DPP8: variants seen among roughly 807,000 people sequenced by gnomAD.
The protein encoded by DPP8 is DPP VIII.
In DPP8, 31 loss-of-function variants were observed where a neutral mutation model predicts 107.5. The ratio of observed to expected loss-of-function variants is 0.29; its 90% CI spans 0.22 to 0.39. The LOEUF (loss-of-function observed/expected upper bound fraction) is 0.39, where lower values mean the gene tolerates loss of function less well. Ranked by LOEUF, DPP8 falls within the 10% of genes least tolerant of loss-of-function variation. The pLI, the probability that DPP8 is intolerant of heterozygous loss-of-function variation, is 1.00. For missense variants in DPP8, 842 were observed against 1,076.1 expected (o/e 0.78, Z 3.04); for synonymous variants, 381 against 356.6 (o/e 1.07, Z -0.77).
intron 15 of DPP8, among the ~76,000 whole-genome samples, chr15:65,461,034 T>C (rs553141350): frequency 1.3e-5 from 2 of 152,350 alleles, no homozygotes; most frequent in Admixed American, 1.3e-4. Context: ...CCAATGGGTG[T>C]GAACTGGTAT....
Position 65,481,719 on chromosome 15 carries a change from CAG to C in DPP8, c.1018-106_1018-105del, listed in dbSNP as rs1217817257. On this transcript the variant is annotated intron_variant, in intron 8 of 19. Transcript: ENST00000300141. Reference sequence around the variant, plus strand: ...TTATCCAAAAAGCAGAAAATTTTTCCAGAGTTAGGTATTAAAAAGGAACAAAG... The same window carrying C: ...TTATCCAAAAAGCAGAAAATTTTTCCAGTTAGGTATTAAAAAGGAACAAAG... The C allele has an allele frequency of 9.0e-6, 6 of 665,062 alleles. 1 individual carries two copies. 41.2% of individuals were successfully genotyped at this position (665,062 alleles called of 1,614,324 possible).
intron 5 of DPP8, among the ~76,000 whole-genome samples, chr15:65,493,076 TTTTC>T (rs771007917): frequency 3.4e-4 from 52 of 152,118 alleles, no homozygotes; most frequent in Non-Finnish European, 5.9e-4. Context: ...TCCTTTTCTG[TTTTC>T]TTTCTTTCTC....
At chr15:65,481,260 T>C (rs1342815277) in intron 9 of DPP8, among the ~76,000 whole-genome samples, 1 of 152,222 alleles carries the variant, frequency 6.6e-6, no homozygotes, top group Non-Finnish European at 1.5e-5. Flanking sequence ...AGCCATATGA[T>C]TTAATCACAA....
intron 5 of DPP8, among the ~76,000 whole-genome samples, chr15:65,492,419 T>C (rs8031081): frequency 0.2 from 31,089 of 152,044 alleles, 3,553 homozygotes; most frequent in African/African-American, 0.3. Context: ...TATGGCTGGT[T>C]AGTGTGGTAA....
chr15:65,454,905 T>C (rs959081254), intron 16 of DPP8, among the ~76,000 whole-genome samples: 1 of 152,148 alleles, frequency 6.6e-6, no homozygotes, highest in Non-Finnish European at 1.5e-5. Flanking sequence ...AAAAATCTAT[T>C]TGGAGATAGG....
intron 12 of DPP8, among the ~76,000 whole-genome samples, chr15:65,473,624 G>A (rs955182461): frequency 2.6e-5 from 4 of 152,032 alleles, no homozygotes; most frequent in African/African-American, 4.8e-5. Flanking sequence ...AGCCATGACT[G>A]TGCCCTGCAC....
At chr15:65,471,141 G>A (rs191493407) in intron 12 of DPP8, among the ~76,000 whole-genome samples, 1 of 152,262 alleles carries the variant, frequency 6.6e-6, no homozygotes, top group Non-Finnish European at 1.5e-5. Context: ...ATTTACATCA[G>A]TGTAGTTTTC....
chr15:65,497,929 C>G lies in DPP8; in HGVS notation c.650G>C (p.Ser217Thr), dbSNP rs2068770515. The stretch of plus-strand genomic sequence containing the variant: ...GATGTTAGATATCCAAATATCGTTG[C>G]TATGTATAAAAGCAATCCAGTCTGG... ...ADPDWIAFIH[S>T]NDIWISNIVT... is the part of the protein sequence containing the mutation. Residue 217 changes from serine (S) to threonine (T), a missense_variant, in exon 5 of 20, where the codon AGC becomes ACC. Ser to Thr is a moderately conservative substitution (Grantham distance 58). Coordinates refer to ENST00000300141, the MANE Select transcript of DPP8 (RefSeq NM_130434.5). 1 of 1,604,008 alleles carries G rather than the reference C, an allele frequency of 6.2e-7. No individual in the cohort carries two copies. Among genetic ancestry groups the G allele is most frequent in the South Asian group, 1.1e-5 (1 of 89,052 alleles).
intron 7 of DPP8, among the ~76,000 whole-genome samples, chr15:65,486,033 G>GA (rs2067388085): frequency 6.7e-6 from 1 of 149,780 alleles, no homozygotes; most frequent in Non-Finnish European, 1.5e-5. Context: ...GGCAGAGGTT[G>GA]AAGTGAGCTG....
rs531573429 is a variant in DPP8, at chr15:65,483,880, T to C, written c.1017+1219A>G. On this transcript the variant is annotated intron_variant, in intron 8 of 19. Transcript: ENST00000300141. ...ATGGTATATCCATATAAAGGTATTATTCATCAATTAAAAATAAATGAAGTA... is the reference window on the plus strand; with the variant it reads ...ATGGTATATCCATATAAAGGTATTACTCATCAATTAAAAATAAATGAAGTA... Among the ~76,000 whole-genome samples the C allele has an allele frequency of 1.7e-4, 26 of 152,326 alleles. No homozygotes were observed. In the East Asian group the frequency reaches 3.7e-3, roughly 21 times the overall value.
chr15:65,507,103 A>C, intron 3 of DPP8, 140 bp downstream of exon 3: 1 of 456,854 alleles, frequency 2.2e-6, no homozygotes, highest in Non-Finnish European at 3.8e-6. Context: ...ATGGAATTTC[A>C]GGGTCATACA....
chr15:65,507,317 A>T lies in DPP8; in HGVS notation c.298T>A (p.Ser100Thr), dbSNP rs1243680942. The T allele has an allele frequency of 6.2e-7, 1 of 1,612,598 alleles. No individual in the cohort carries two copies. Among genetic ancestry groups the T allele is most frequent in the Admixed American group, 1.7e-5 (1 of 59,930 alleles). The change falls in exon 3 of 20, where the codon TCT becomes ACT. Residue 100 changes from serine (S) to threonine (T), a missense_variant. By Grantham distance (58) the Ser-to-Thr change is moderately conservative. This residue lies in a region of DPP8 where 663 missense variants were observed against 758.0 expected (regional missense o/e 0.87). Transcript: ENST00000300141. The part of the protein sequence containing the change: ...GENRENTLFY[S>T]EIPKTINRAA... Reference sequence around the variant, plus strand: ...CTATTGATAGTTTTGGGAATTTCAGAATAAAACAGTGTATTTTCTCTGTTC... The same window carrying T: ...CTATTGATAGTTTTGGGAATTTCAGTATAAAACAGTGTATTTTCTCTGTTC...
chr15:65,451,911 T>G, intron 18 of DPP8, 49 bp downstream of exon 18: 2 of 1,510,118 alleles, frequency 1.3e-6, no homozygotes, highest in African/African-American at 1.5e-5. Context: ...AGTGACAGAG[T>G]GAGACCCTGT....
At chr15:65,479,882 G>A (rs914512316) in intron 10 of DPP8, among the ~76,000 whole-genome samples, 1 of 148,988 alleles carries the variant, frequency 6.7e-6, no homozygotes, top group Non-Finnish European at 1.5e-5. Context: ...AAAAGAATTG[G>A]TATATTTTGG....
chr15:65,475,909 T>C (rs1393920138), intron 11 of DPP8, among the ~76,000 whole-genome samples: 12 of 151,956 alleles, frequency 7.9e-5, no homozygotes, highest in Non-Finnish European at 1.6e-4. Flanking sequence ...CCACCACACT[T>C]GGTTAATTTT....
At chr15:65,467,915 T>C (rs2065502730) in intron 12 of DPP8, among the ~76,000 whole-genome samples, 1 of 152,212 alleles carries the variant, frequency 6.6e-6, no homozygotes, top group South Asian at 2.1e-4. Flanking sequence ...TATTAGTTAG[T>C]GTTATATTAT....
intron 15 of DPP8, among the ~76,000 whole-genome samples, chr15:65,462,001 C>A (rs970586299): frequency 1.3e-5 from 2 of 151,800 alleles, no homozygotes; most frequent in African/African-American, 2.4e-5. Context: ...CAGGGTCTTA[C>A]TCTGTTGCCT....
chr15:65,481,039 G>A (rs1257299640), intron 9 of DPP8, among the ~76,000 whole-genome samples: 1 of 151,224 alleles, frequency 6.6e-6, no homozygotes, highest in Non-Finnish European at 1.5e-5. Flanking sequence ...AGCCATGATT[G>A]CACCACTGCA....
At chr15:65,493,754 A>C (rs1002992436) in intron 5 of DPP8, among the ~76,000 whole-genome samples, 3 of 152,172 alleles carry the variant, frequency 2.0e-5, no homozygotes, top group African/African-American at 4.8e-5. Context: ...TGTCTCAGTA[A>C]GTCATTTGAG....
Sources: allele counts gnomAD v4.1 joint callset (sites outside exome capture counted in the v4.1 genomes callset), GRCh38; gene constraint gnomAD v4.1.1; regional missense constraint gnomAD v4.1.1; transcripts MANE v1.5; gene names NCBI Gene and HGNC (gene_info 2026-07-23, HGNC 2026-07-21).